Variants in VWDE observed in about 807,000 individuals in gnomAD.
The protein encoded by VWDE is von Willebrand factor D and EGF domains.
A neutral mutation model predicts 178.4 loss-of-function variants in VWDE; 207 were observed. The observed-to-expected ratio is 1.16, with a 90% CI of 1.04 to 1.30. The LOEUF (loss-of-function observed/expected upper bound fraction) is 1.30, where lower values mean the gene tolerates loss of function less well. Among genes scored for constraint, VWDE ranks in the 50% most tolerant of loss-of-function variants. The pLI, the probability that VWDE is intolerant of heterozygous loss-of-function variation, is 0.00. For missense variants in VWDE, 2,287 were observed against 1,901.3 expected (o/e 1.20, Z -3.77); for synonymous variants, 738 against 651.4 (o/e 1.13, Z -2.02).
intron 16 of VWDE, among the ~76,000 whole-genome samples, chr7:12,358,268 G>A (rs1164812964): frequency 6.6e-6 from 1 of 151,854 alleles, no homozygotes; most frequent in African/African-American, 2.4e-5. Flanking sequence ...CAGCTACTTG[G>A]GAGGCTGAAG....
chr7:12,353,440 C>T (rs919531272), intron 18 of VWDE, among the ~76,000 whole-genome samples: 1 of 152,114 alleles, frequency 6.6e-6, no homozygotes, highest in African/African-American at 2.4e-5. Context: ...CAGTTCTATC[C>T]ACAGCAATGC....
At chr7:12,394,823 TTATC>T (rs776850430) in intron 1 of VWDE, among the ~76,000 whole-genome samples, 28 of 152,110 alleles carry the variant, frequency 1.8e-4, no homozygotes, top group Non-Finnish European at 3.5e-4. Context: ...TGGAAAAACC[TTATC>T]TAACTAAAAA....
At chr7:12,336,000 T>C in intron 27 of VWDE, 141 bp downstream of exon 27, 1 of 685,976 alleles carries the variant, frequency 1.5e-6, no homozygotes, top group Non-Finnish European at 2.4e-6. Context: ...GTTTTTGTTT[T>C]ATATCTAAAA....
chr7:12,389,161 T>C lies in VWDE; in HGVS notation c.441A>G (p.Gln147=). ...AGTAGCCCATACATCCCTGAGTTGG[T>C]TGTAGTAAGTATACAGAAAAGTTCC... ...NCGNFSVYLL[Q]PTQGCMGYCA... Residue 147 remains glutamine, a synonymous_variant, in exon 3 of 29, where the codon CAA becomes CAG. Transcript: ENST00000275358. 1 of 1,551,646 alleles carries C rather than the reference T, an allele frequency of 6.4e-7. No individual in the cohort carries two copies.
chr7:12,359,086 C>T (rs1289628897), intron 16 of VWDE, among the ~76,000 whole-genome samples: 1 of 152,150 alleles, frequency 6.6e-6, no homozygotes, highest in African/African-American at 2.4e-5. Context: ...ATGGAACCAA[C>T]ATAGCTCTAT....
At chr7:12,354,265 C>T (rs1383490872) in intron 18 of VWDE, 1 of 353,578 alleles carries the variant, frequency 2.8e-6, no homozygotes, top group African/African-American at 2.2e-5. Flanking sequence ...TAAATAAATA[C>T]ATGAGTCAAA....
In VWDE at chr7:12,361,521, AC is replaced by A. The variant is rs1782580069; in HGVS notation, c.2899-1del. 6.6e-7 allele frequency: 1 copy of A among 1,521,846 alleles called. No individual in the cohort carries two copies. The highest frequency in any genetic ancestry group is 8.8e-7 in the Non-Finnish European group (1 of 1,133,216). 94.3% of individuals were successfully genotyped at this position (1,521,846 alleles called of 1,614,324 possible). ...CCAGGCATCCATTCACTGCTATTAT[AC>A]TGAAGACATAGTGAGAAAAAAATTA... is the stretch of plus-strand genomic sequence containing the variant. On this transcript the variant is annotated splice_acceptor_variant, in intron 13 of 28. Transcript: ENST00000275358. LOFTEE classifies it high-confidence loss of function.
intron 15 of VWDE, among the ~76,000 whole-genome samples, chr7:12,360,203 G>A (rs1782499610): frequency 6.6e-6 from 1 of 152,090 alleles, no homozygotes; most frequent in African/African-American, 2.4e-5. Context: ...TGAAAGAGAT[G>A]CTGATAAGCA....
intron 18 of VWDE, chr7:12,354,500 T>A: frequency 2.8e-6 from 1 of 360,886 alleles, no homozygotes; most frequent in Non-Finnish European, 5.4e-6. Flanking sequence ...GTATAAAATA[T>A]AGATCAAGAG....
At position 12,367,392 on chromosome 7, in the gene VWDE, A is replaced by G; in HGVS notation, c.2863T>C (p.Leu955=). The part of the protein sequence containing the change: ...VRVFGKGFKE[L]PSIKCEVTKL... ...GTAACTTCACATTTAATTGAAGGTA[A>G]TTCTTTGAAGCCTTTGCCAAAAACT... is the stretch of plus-strand genomic sequence containing the variant. The change falls in exon 13 of 29, where the codon TTA becomes CTA. Residue 955 remains leucine (L), a synonymous_variant. Coordinates refer to ENST00000275358, the MANE Select transcript of VWDE (RefSeq NM_001135924.3). 1 of 1,546,950 alleles carries G rather than the reference A, an allele frequency of 6.5e-7. No homozygotes were observed. Among genetic ancestry groups the G allele is most frequent in the Non-Finnish European group, 8.7e-7 (1 of 1,144,650 alleles).
At position 12,393,723 on chromosome 7, in the gene VWDE, G is replaced by C. The variant is rs1784498903; in HGVS notation, c.114C>G (p.Val38=). 5.8e-6 allele frequency: 9 copies of C among 1,551,116 alleles called. No individual in the cohort carries two copies. The highest frequency in any genetic ancestry group is 2.4e-5 in the East Asian group (1 of 40,910). The change falls in exon 2 of 29, where the codon GTC becomes GTG. Residue 38 remains valine, a synonymous_variant. Coordinates refer to ENST00000275358, the MANE Select transcript of VWDE (RefSeq NM_001135924.3). ...GCTGGAGGTGCCATGAGTCAAAACGGACACTTCTATAAGGACTCCGAAGAA... is the reference window on the plus strand; with the variant it reads ...GCTGGAGGTGCCATGAGTCAAAACGCACACTTCTATAAGGACTCCGAAGAA... The part of the protein sequence containing the change: ...HQFLRSPYRS[V]RFDSWHLQQS...
Position 12,380,938 on chromosome 7 carries a change from GT to G in VWDE, c.542-206del, listed in dbSNP as rs199901057. Among the ~76,000 whole-genome samples, 1,158 of 152,198 alleles carry G rather than the reference GT, an allele frequency of 7.6e-3. 14 individuals carry two copies. Among genetic ancestry groups the G allele is most frequent in the African/African-American group, 0.026 (1,068 of 41,512 alleles). ...ACACAAATATTGATAGCCAAGCAAC[GT>G]TATCAGCTCAAGCTTATATTAATGC... On this transcript the variant is annotated intron_variant, in intron 4 of 28. Transcript: ENST00000275358.
Position 12,356,233 on chromosome 7 carries a change from G to C in VWDE, c.3623C>G (p.Pro1208Arg). The C allele has an allele frequency of 6.4e-7, 1 of 1,551,584 alleles. No homozygotes were observed. Among genetic ancestry groups the C allele is most frequent in the Non-Finnish European group, 8.7e-7 (1 of 1,146,984 alleles). The change falls in exon 18 of 29, where the codon CCT becomes CGT. Residue 1208 changes from proline (P) to arginine (R), a missense_variant. Physicochemically the swap from Pro to Arg is moderately radical, Grantham distance 103 (BLOSUM62 -2). Coordinates refer to ENST00000275358, the MANE Select transcript of VWDE (RefSeq NM_001135924.3). ...TTCACAAAGGCTGCCATGGAAGCCAGGCAAGCAGACACACAGGTACACTCC... is the reference window on the plus strand; with the variant it reads ...TTCACAAAGGCTGCCATGGAAGCCACGCAAGCAGACACACAGGTACACTCC... ...GSGVYLCVCL[P>R]GFHGSLCEVD...
rs1488834231 is a variant in VWDE at position 12,369,723 on chromosome 7, T to C, written c.2583A>G (p.Glu861=). ...AEAGVALLEN[E]CEKRIVEEGK... ...CCTCCTCCACAATCCTCTTTTCACA[T>C]TCATTTTCTAAAAGGGCCACACCTG... The change falls in exon 12 of 29, where the codon GAA becomes GAG. Residue 861 remains glutamate, a synonymous_variant. Coordinates refer to ENST00000275358, the MANE Select transcript of VWDE (RefSeq NM_001135924.3). 1 of 1,551,656 alleles carries C rather than the reference T, an allele frequency of 6.4e-7. No homozygotes were observed. Among genetic ancestry groups the C allele is most frequent in the Non-Finnish European group, 8.7e-7 (1 of 1,146,902 alleles).
At chr7:12,359,478 G>A (rs1183246091) in intron 16 of VWDE, 100 bp downstream of exon 16, 2 of 705,842 alleles carry the variant, frequency 2.8e-6, no homozygotes, top group African/African-American at 1.8e-5. Context: ...ATTAAACACA[G>A]AGGTCATTCA....
At chr7:12,354,775 G>T (rs73680949) in intron 18 of VWDE, among the ~76,000 whole-genome samples, 2,387 of 152,228 alleles carry the variant, frequency 0.016, 56 homozygotes, top group African/African-American at 0.055. Flanking sequence ...AAGGCAAAAA[G>T]CTTCATATTA....
Position 12,344,105 on chromosome 7 carries a change from A to G in VWDE, c.4078+90T>C, listed in dbSNP as rs962474793. On this transcript the variant is annotated intron_variant, in intron 21 of 28. Coordinates refer to ENST00000275358, the MANE Select transcript of VWDE (RefSeq NM_001135924.3). ...GATAAGAATATTTTAATATATACAC[A>G]GTAAAACTGAATTGTCTTGTAAAAT... 8 of 1,013,904 alleles carry G rather than the reference A, an allele frequency of 7.9e-6. No individual in the cohort carries two copies. In the African/African-American group the frequency reaches 1.3e-4, roughly 17 times the overall value. 62.8% of individuals were successfully genotyped at this position (1,013,904 alleles called of 1,614,324 possible).
chr7:12,371,738 T>C (rs571108141), intron 10 of VWDE, among the ~76,000 whole-genome samples: 1 of 152,248 alleles, frequency 6.6e-6, no homozygotes, highest in Non-Finnish European at 1.5e-5. Context: ...ATTTTGGGCA[T>C]ATCTTCGCCT....
chr7:12,369,622 CTG>C lies in VWDE; in HGVS notation c.2682_2683del (p.Cys894TrpfsTer18), dbSNP rs1783049701. ...CCATTCCATGCACTGCCCATTGCCG[CTG>C]CATAAATTGGGGCATTTTAATACTG... On this transcript the variant is annotated frameshift_variant, in exon 12 of 29. Transcript: ENST00000275358. LOFTEE classifies it high-confidence loss of function. 1 of 1,551,488 alleles carries C rather than the reference CTG, an allele frequency of 6.4e-7. No individual in the cohort carries two copies. The highest frequency in any genetic ancestry group is 2.0e-5 in the Admixed American group (1 of 50,970).
Sources: gnomAD v4.1 joint callset for allele counts (sites outside exome capture counted in the v4.1 genomes callset) on GRCh38, gnomAD v4.1.1 for gene constraint, MANE v1.5 for transcripts, NCBI Gene and HGNC (gene_info 2026-07-23, HGNC 2026-07-21) for gene names.